Variants in NELL2 observed in about 807,000 individuals in gnomAD.
NELL2 encodes protein kinase C-binding protein NELL2.
In NELL2, 41 loss-of-function variants were observed where a neutral mutation model predicts 109.6. The ratio of observed to expected loss-of-function variants is 0.37; its 90% CI spans 0.29 to 0.49. The LOEUF is 0.49. NELL2 is among the 20% of genes least tolerant of loss of function. The pLI, the probability that NELL2 is intolerant of heterozygous loss-of-function variation, is 0.98. For missense variants in NELL2, 900 were observed against 1,008.3 expected (o/e 0.89, Z 1.45); for synonymous variants, 355 against 344.7 (o/e 1.03, Z -0.33).
At chr12:44,660,176 G>A (rs1483528546) in intron 13 of NELL2, among the ~76,000 whole-genome samples, 1 of 152,058 alleles carries the variant, frequency 6.6e-6, no homozygotes, top group Non-Finnish European at 1.5e-5. Flanking sequence ...CCCTATACAG[G>A]GCCTAAAGGA....
intron 15 of NELL2, among the ~76,000 whole-genome samples, chr12:44,568,066 T>C (rs555767990): frequency 5.3e-5 from 8 of 152,064 alleles, no homozygotes; most frequent in African/African-American, 4.8e-5. Flanking sequence ...CAGAAAAATA[T>C]GTTGGGTGTA....
At chr12:44,727,882 T>C (rs1244241092) in intron 9 of NELL2, among the ~76,000 whole-genome samples, 2 of 152,092 alleles carry the variant, frequency 1.3e-5, no homozygotes, top group East Asian at 1.9e-4. Context: ...TACCCCCAAA[T>C]GCCTCTGGAA....
At chr12:44,863,106 C>T (rs1246962018) in intron 2 of NELL2, among the ~76,000 whole-genome samples, 4 of 152,074 alleles carry the variant, frequency 2.6e-5, no homozygotes, top group African/African-American at 9.7e-5. Context: ...CCCCCCACCC[C>T]ACGACAGGCC....
intron 9 of NELL2, among the ~76,000 whole-genome samples, chr12:44,742,060 C>A (rs1940006165): frequency 1.3e-5 from 2 of 152,166 alleles, no homozygotes; most frequent in South Asian, 2.1e-4. Flanking sequence ...AGGCACCCCC[C>A]AGTAGGGGTG....
intron 9 of NELL2, among the ~76,000 whole-genome samples, chr12:44,747,289 G>A (rs1940421730): frequency 6.6e-6 from 1 of 151,918 alleles, no homozygotes; most frequent in Non-Finnish European, 1.5e-5. Flanking sequence ...TCACACACCG[G>A]GGACTGTTGT....
At chr12:44,854,911 A>G (rs899248347) in intron 2 of NELL2, among the ~76,000 whole-genome samples, 1 of 152,190 alleles carries the variant, frequency 6.6e-6, no homozygotes, top group East Asian at 1.9e-4. Context: ...GTGTTGTCCA[A>G]TAGAAGTATA....
At chr12:44,624,994 GTGTATATATATA>G (rs1274945297) in intron 13 of NELL2, among the ~76,000 whole-genome samples, 1,675 of 118,676 alleles carry the variant, frequency 0.014, 47 homozygotes, top group African/African-American at 0.043. Context: ...ATATATGTGT[GTGTATATATATA>G]TATATATATA....
At chr12:44,585,816 G>A (rs1019493127) in intron 15 of NELL2, among the ~76,000 whole-genome samples, 4 of 151,860 alleles carry the variant, frequency 2.6e-5, no homozygotes, top group African/African-American at 7.3e-5. Flanking sequence ...GGTGTCTGGC[G>A]GCTGGGGGCA....
intron 9 of NELL2, among the ~76,000 whole-genome samples, chr12:44,764,174 A>AT (rs1950032349): frequency 6.6e-6 from 1 of 152,220 alleles, no homozygotes; most frequent in Non-Finnish European, 1.5e-5. Flanking sequence ...ATTCCAGTTA[A>AT]TAATCAAGGT....
chr12:44,541,587 T>TTTC (rs1942574818), intron 15 of NELL2, among the ~76,000 whole-genome samples: 1 of 152,088 alleles, frequency 6.6e-6, no homozygotes, highest in Admixed American at 6.6e-5. Context: ...CAGCTTCTGA[T>TTTC]TAAAGAGAAA....
chr12:44,621,990 A>G (rs1250428928), intron 13 of NELL2, among the ~76,000 whole-genome samples: 1 of 152,028 alleles, frequency 6.6e-6, no homozygotes, highest in African/African-American at 2.4e-5. Flanking sequence ...CTTACCTGTC[A>G]CTCCATAATC....
chr12:44,815,094 T>C (rs1388571293), intron 3 of NELL2, among the ~76,000 whole-genome samples: 2 of 152,328 alleles, frequency 1.3e-5, no homozygotes, highest in African/African-American at 2.4e-5. Flanking sequence ...ACTGTGGTTA[T>C]TCTTTCCAGA....
At chr12:44,584,741 C>A (rs766337622) in intron 15 of NELL2, among the ~76,000 whole-genome samples, 4 of 152,056 alleles carry the variant, frequency 2.6e-5, no homozygotes, top group Non-Finnish European at 5.9e-5. Context: ...ATTCTGTGGA[C>A]AACTGCTGTT....
rs539399663 is a variant in NELL2 at position 44,686,757 on chromosome 12, A to G, written c.1318+16969T>C. 2.5e-3 allele frequency among the ~76,000 whole-genome samples: 381 copies of G among 152,220 alleles called. 4 individuals are homozygous for G. Among genetic ancestry groups the G allele is most frequent in the African/African-American group, 8.3e-3 (346 of 41,516 alleles). On this transcript the variant is annotated intron_variant, in intron 12 of 19. Coordinates refer to ENST00000429094, the MANE Select transcript of NELL2 (RefSeq NM_001145108.2). ...TCAGGGGTCAGGGACCCACTTGAGGAGGCAGTCTGTCCGTTCTCAGATCTC... is the reference window on the plus strand; with the variant it reads ...TCAGGGGTCAGGGACCCACTTGAGGGGGCAGTCTGTCCGTTCTCAGATCTC...
chr12:44,866,688 G>GTTGT (rs1401714644), intron 2 of NELL2, among the ~76,000 whole-genome samples: 3 of 151,880 alleles, frequency 2.0e-5, no homozygotes, highest in Non-Finnish European at 4.4e-5. Flanking sequence ...GAAACAGAGA[G>GTTGT]TTGTTTTCTA....
intron 12 of NELL2, among the ~76,000 whole-genome samples, chr12:44,701,071 C>G (rs1949212723): frequency 6.6e-6 from 1 of 151,878 alleles, no homozygotes; most frequent in Admixed American, 6.6e-5. Context: ...ATTTAAGGAC[C>G]AAATATATAC....
intron 1 of NELL2, among the ~76,000 whole-genome samples, chr12:44,899,868 T>C (rs1341112726): frequency 6.6e-6 from 1 of 152,118 alleles, no homozygotes; most frequent in Non-Finnish European, 1.5e-5. Context: ...AGGAGACCCA[T>C]CTTATGTGCA....
chr12:44,671,999 G>T (rs1216540368), intron 12 of NELL2, among the ~76,000 whole-genome samples: 1 of 152,178 alleles, frequency 6.6e-6, no homozygotes, highest in Non-Finnish European at 1.5e-5. Flanking sequence ...TCAGAGAGAG[G>T]AATTATTTTG....
chr12:44,858,630 G>A (rs935132618), intron 2 of NELL2, among the ~76,000 whole-genome samples: 1 of 152,152 alleles, frequency 6.6e-6, no homozygotes, highest in African/African-American at 2.4e-5. Flanking sequence ...ATATGGTGAA[G>A]CGAAAGTCAC....
Sources: allele counts gnomAD v4.1 joint callset (sites outside exome capture counted in the v4.1 genomes callset), GRCh38; gene constraint gnomAD v4.1.1; transcripts MANE v1.5; gene names NCBI Gene and HGNC (gene_info 2026-07-23, HGNC 2026-07-21).